C1orf87: variants seen among roughly 807,000 people sequenced by gnomAD.
C1orf87 encodes the protein chromosome 1 open reading frame 87, also known as uncharacterized protein C1orf87.
C1orf87 carries 58 observed loss-of-function variants against 60.5 expected under a neutral mutation model. That is an observed-to-expected ratio of 0.96 (90% confidence interval 0.78 to 1.19). The LOEUF (loss-of-function observed/expected upper bound fraction) is 1.19, where lower values mean the gene tolerates loss of function less well. Ranked by LOEUF, C1orf87 falls within the 50% of genes most tolerant of loss-of-function variation. The pLI, the probability that C1orf87 is intolerant of heterozygous loss-of-function variation, is 0.00. For missense variants in C1orf87, 673 were observed against 638.6 expected (o/e 1.05, Z -0.58); for synonymous variants, 236 against 227.4 (o/e 1.04, Z -0.34).
At chr1:60,025,561 G>C in intron 7 of C1orf87, 63 bp from the exon 8 acceptor site, 2 of 1,242,768 alleles carry the variant, frequency 1.6e-6, no homozygotes, top group Admixed American at 4.6e-5. Context: ...TGTTTCAATA[G>C]AATACAATTA....
intron 3 of C1orf87, among the ~76,000 whole-genome samples, chr1:60,046,668 C>T (rs984133563): frequency 1.3e-5 from 2 of 151,920 alleles, no homozygotes; most frequent in Non-Finnish European, 2.9e-5. Flanking sequence ...GAACTCCTGA[C>T]CTAAAGCAAT....
intron 3 of C1orf87, among the ~76,000 whole-genome samples, chr1:60,043,468 G>A (rs547256693): frequency 3.9e-5 from 6 of 152,046 alleles, no homozygotes; most frequent in Admixed American, 6.5e-5. Flanking sequence ...TGCAACTTCC[G>A]CCTTCTGGGT....
chr1:60,011,440 C>T (rs1645084482), intron 8 of C1orf87, among the ~76,000 whole-genome samples: 1 of 151,708 alleles, frequency 6.6e-6, no homozygotes, highest in African/African-American at 2.4e-5. Flanking sequence ...TCCCTTCTTC[C>T]CTCCCTCACT....
chr1:60,033,069 C>A (rs1422603497), intron 7 of C1orf87, among the ~76,000 whole-genome samples: 4 of 152,142 alleles, frequency 2.6e-5, no homozygotes, highest in African/African-American at 9.7e-5. Flanking sequence ...AGCATGGTAG[C>A]CTCTATTGGC....
intron 8 of C1orf87, among the ~76,000 whole-genome samples, chr1:60,018,365 G>T (rs991638944): frequency 1.9e-4 from 29 of 152,148 alleles, no homozygotes; most frequent in African/African-American, 6.8e-4. Flanking sequence ...GTCAAAGACA[G>T]GTGAATAAAG....
intron 8 of C1orf87, among the ~76,000 whole-genome samples, chr1:60,022,498 A>AC (rs1645170614): frequency 6.6e-6 from 1 of 152,156 alleles, no homozygotes; most frequent in South Asian, 2.1e-4. Context: ...GTTTCCCCTT[A>AC]TCCACAGGGT....
chr1:60,022,644 C>T (rs1645171557), intron 8 of C1orf87, among the ~76,000 whole-genome samples: 1 of 152,134 alleles, frequency 6.6e-6, no homozygotes, highest in Non-Finnish European at 1.5e-5. Flanking sequence ...TTAGAAACCT[C>T]AGCATACATT....
At chr1:60,025,346 T>C (rs1645191579) in intron 8 of C1orf87, 55 bp downstream of exon 8, 1 of 1,356,674 alleles carries the variant, frequency 7.4e-7, no homozygotes, top group African/African-American at 1.4e-5. Flanking sequence ...CACCATATCA[T>C]TTGGGGAAGG....
intron 3 of C1orf87, among the ~76,000 whole-genome samples, chr1:60,041,443 T>C (rs1645324489): frequency 6.6e-6 from 1 of 152,160 alleles, no homozygotes; most frequent in Non-Finnish European, 1.5e-5. Flanking sequence ...TAGGCAAATG[T>C]GGGGTTCTTA....
intron 3 of C1orf87, among the ~76,000 whole-genome samples, chr1:60,052,529 C>A (rs1042321967): frequency 2.6e-5 from 4 of 152,152 alleles, no homozygotes; most frequent in Non-Finnish European, 4.4e-5. Flanking sequence ...TTCTTATATA[C>A]ACAAAATGAG....
chr1:59,999,023 T>A (rs1042696437), intron 10 of C1orf87, among the ~76,000 whole-genome samples: 7 of 152,310 alleles, frequency 4.6e-5, no homozygotes, highest in Admixed American at 4.6e-4. Flanking sequence ...AACTTTTGTA[T>A]ACCATCTGTG....
chr1:59,991,230 A>G (rs796903016), intron 11 of C1orf87, among the ~76,000 whole-genome samples: 27 of 152,298 alleles, frequency 1.8e-4, no homozygotes, highest in African/African-American at 5.5e-4. Flanking sequence ...ACATTCCTAA[A>G]CATGCAGGGA....
chr1:60,043,442 C>T (rs1265118373), intron 3 of C1orf87, among the ~76,000 whole-genome samples: 7 of 151,980 alleles, frequency 4.6e-5, no homozygotes, highest in African/African-American at 7.3e-5. Flanking sequence ...AGTACAGTGG[C>T]GCGATCTCGG....
chr1:59,997,941 G>A (rs1574292001), intron 10 of C1orf87, 125 bp from the exon 11 acceptor site: 3 of 879,194 alleles, frequency 3.4e-6, no homozygotes, highest in East Asian at 2.6e-5. Context: ...AAAGCTAAGA[G>A]GATGAGCTTC....
intron 11 of C1orf87, 124 bp downstream of exon 11, chr1:59,997,485 T>C: frequency 2.4e-6 from 2 of 833,868 alleles, no homozygotes; most frequent in East Asian, 5.3e-5. Context: ...CTCAGCACAT[T>C]GCAGGGCACA....
intron 8 of C1orf87, among the ~76,000 whole-genome samples, chr1:60,023,827 T>C (rs1049473540): frequency 6.6e-6 from 1 of 152,208 alleles, no homozygotes; most frequent in African/African-American, 2.4e-5. Flanking sequence ...TCATTTTTAA[T>C]GGCCTTCACA....
At chr1:60,007,510 A>G (rs1645054854) in intron 9 of C1orf87, among the ~76,000 whole-genome samples, 1 of 152,088 alleles carries the variant, frequency 6.6e-6, no homozygotes. Flanking sequence ...CATCCATGGC[A>G]ATTTTTAATT....
chr1:60,071,048 G>A (rs1035861553), intron 2 of C1orf87, among the ~76,000 whole-genome samples: 1 of 152,044 alleles, frequency 6.6e-6, no homozygotes, highest in Non-Finnish European at 1.5e-5. Context: ...ACAGTGACAG[G>A]GATTTGACAT....
chr1:60,047,653 G>A (rs2100307772), intron 3 of C1orf87, among the ~76,000 whole-genome samples: 1 of 151,434 alleles, frequency 6.6e-6, no homozygotes, highest in East Asian at 1.9e-4. Context: ...CATTTCAAAT[G>A]TAGGACCATA....
Sources: gnomAD v4.1 joint callset for allele counts (sites outside exome capture counted in the v4.1 genomes callset) on GRCh38, gnomAD v4.1.1 for gene constraint, MANE v1.5 for transcripts, NCBI Gene and HGNC (gene_info 2026-07-23, HGNC 2026-07-21) for gene names.